The following IL1RAPL1 variants were observed in gnomAD, a reference collection of about 807,000 sequenced individuals.
IL1RAPL1 encodes the protein interleukin 1 receptor accessory protein like 1, also known as interleukin-1 receptor accessory protein-like 1.
In IL1RAPL1, 3 loss-of-function variants were observed where a neutral mutation model predicts 48.4. The observed-to-expected ratio is 0.06, with a 90% CI of 0.03 to 0.16. The LOEUF is 0.16. Among genes scored for constraint, IL1RAPL1 ranks in the 10% least tolerant of loss-of-function variants. The pLI, the probability that IL1RAPL1 is intolerant of heterozygous loss-of-function variation, is 1.00. For missense variants in IL1RAPL1, 349 were observed against 530.6 expected (o/e 0.66, Z 3.36); for synonymous variants, 185 against 187.7 (o/e 0.99, Z 0.12).
chrX:28,656,954 G>A (rs778289752), intron 1 of IL1RAPL1, among the ~76,000 whole-genome samples: 7 of 106,440 alleles, frequency 6.6e-5, no homozygotes, highest in African/African-American at 2.4e-4. Context: ...TGAACCCCGG[G>A]AGGCGGAGCT....
chrX:29,578,186 G>A (rs1922838945), intron 5 of IL1RAPL1, among the ~76,000 whole-genome samples: 2 of 112,055 alleles, frequency 1.8e-5, no homozygotes, highest in African/African-American at 3.2e-5. Context: ...AGCAAAGACA[G>A]TGGCTACTGA....
intron 2 of IL1RAPL1, among the ~76,000 whole-genome samples, chrX:29,060,612 C>T (rs1410691485): frequency 1.8e-5 from 2 of 111,227 alleles, no homozygotes; most frequent in African/African-American, 6.5e-5. Context: ...ATTATTCTAG[C>T]GAGCTGTAGT....
intron 2 of IL1RAPL1, among the ~76,000 whole-genome samples, chrX:29,036,792 T>C (rs1926741433): frequency 9.0e-6 from 1 of 111,343 alleles, no homozygotes; most frequent in African/African-American, 3.3e-5. Flanking sequence ...ATTTTTAAAA[T>C]GTGTGCAGGA....
At chrX:29,482,126 A>C (rs1244095877) in intron 5 of IL1RAPL1, among the ~76,000 whole-genome samples, 4 of 112,116 alleles carry the variant, frequency 3.6e-5, no homozygotes, top group African/African-American at 1.3e-4. Flanking sequence ...AAAACCATCC[A>C]TGTTCCTTCT....
intron 2 of IL1RAPL1, among the ~76,000 whole-genome samples, chrX:28,959,369 A>G (rs991054840): frequency 2.0e-4 from 22 of 111,316 alleles, no homozygotes; most frequent in Non-Finnish European, 3.0e-4. Flanking sequence ...ATAAATGGAA[A>G]TTCATTGGAA....
At position 29,955,632 on chromosome X, in the gene IL1RAPL1, A is replaced by G; in HGVS notation, c.1903A>G (p.Thr635Ala). ...YRSYEYDVPP[T>A]GTLPLTSIGN... ...AAGCTATGAGTACGACGTACCTCCT[A>G]CCGGCACCCTGCCTCTTACCTCCAT... is the stretch of plus-strand genomic sequence containing the variant. The change falls in exon 11 of 11, where the codon ACC (threonine) becomes GCC (alanine). Residue 635 changes from threonine to alanine, a missense_variant. This residue lies in a region of IL1RAPL1 where 65 missense variants were observed against 79.6 expected (regional missense o/e 0.82). Transcript: ENST00000378993. 2 of 1,210,395 alleles carry G rather than the reference A, an allele frequency of 1.7e-6. No homozygotes were observed. The highest frequency in any genetic ancestry group is 1.8e-5 in the South Asian group (1 of 56,834).
chrX:28,876,833 T>C (rs1922387687), intron 2 of IL1RAPL1, among the ~76,000 whole-genome samples: 1 of 111,924 alleles, frequency 8.9e-6, no homozygotes, highest in South Asian at 3.7e-4. Context: ...TTAATTATTC[T>C]CTCTGTCCTT....
At chrX:28,714,713 TA>T (rs1198857199) in intron 1 of IL1RAPL1, among the ~76,000 whole-genome samples, 1 of 112,011 alleles carries the variant, frequency 8.9e-6, no homozygotes, top group African/African-American at 3.2e-5. Context: ...TGATCAAATC[TA>T]CTGAAAATCA....
At chrX:29,618,137 TATA>T (rs954045906) in intron 5 of IL1RAPL1, among the ~76,000 whole-genome samples, 1 of 111,563 alleles carries the variant, frequency 9.0e-6, no homozygotes, top group African/African-American at 3.3e-5. Flanking sequence ...TTATCTAAAA[TATA>T]ATAATAAGAA....
intron 5 of IL1RAPL1, among the ~76,000 whole-genome samples, chrX:29,579,165 A>G (rs1922876809): frequency 8.9e-6 from 1 of 112,133 alleles, no homozygotes; most frequent in Non-Finnish European, 1.9e-5. Flanking sequence ...TACTTCTCCC[A>G]ATTTCTTTTG....
intron 2 of IL1RAPL1, among the ~76,000 whole-genome samples, chrX:28,963,400 A>G (rs1166512128): frequency 9.0e-6 from 1 of 111,337 alleles, no homozygotes; most frequent in East Asian, 2.8e-4. Flanking sequence ...CCCCCAATAT[A>G]TCTATATCAA....
At chrX:28,679,013 A>G (rs1466035152) in intron 1 of IL1RAPL1, among the ~76,000 whole-genome samples, 1 of 111,799 alleles carries the variant, frequency 8.9e-6, no homozygotes, top group Non-Finnish European at 1.9e-5. Context: ...GAATCTCCAT[A>G]CTGTTTTCCA....
At chrX:28,964,243 G>A (rs1924862980) in intron 2 of IL1RAPL1, among the ~76,000 whole-genome samples, 1 of 111,429 alleles carries the variant, frequency 9.0e-6, no homozygotes, top group Non-Finnish European at 1.9e-5. Flanking sequence ...ACACATTTGA[G>A]ACTTGCCTAT....
rs1453582748 is a variant in IL1RAPL1, at chrX:29,856,624, G to T, written c.779-60840G>T. 3.6e-5 allele frequency among the ~76,000 whole-genome samples: 4 copies of T among 111,588 alleles called. No individual in the cohort carries two copies. The Admixed American group carries it at 3.8e-4, about 11-fold the overall frequency. ...TCAGAGCTTTTAGAAATTCAGAATT[G>T]CAAATAAGGATTTGTGGATCTGTAG... On this transcript the variant is annotated intron_variant, in intron 6 of 10. Transcript: ENST00000378993.
chrX:29,198,282 GT>G (rs745896544), intron 2 of IL1RAPL1, among the ~76,000 whole-genome samples: 9 of 106,200 alleles, frequency 8.5e-5, no homozygotes, highest in South Asian at 4.1e-4. Context: ...AAGATTTTAG[GT>G]TTTTTTTTTC....
chrX:29,566,215 A>C (rs1331074681), intron 5 of IL1RAPL1, among the ~76,000 whole-genome samples: 4 of 112,136 alleles, frequency 3.6e-5, no homozygotes, highest in African/African-American at 1.3e-4. Flanking sequence ...CTGGGATTAC[A>C]GGTGCGAGCC....
chrX:29,139,691 A>C (rs1471012434), intron 2 of IL1RAPL1, among the ~76,000 whole-genome samples: 1 of 111,552 alleles, frequency 9.0e-6, no homozygotes, highest in Non-Finnish European at 1.9e-5. Flanking sequence ...CAGAATAAAT[A>C]AATAACTTCT....
At chrX:29,375,159 ATTTTT>A (rs764787587) in intron 3 of IL1RAPL1, among the ~76,000 whole-genome samples, 5 of 76,003 alleles carry the variant, frequency 6.6e-5, no homozygotes, top group Non-Finnish European at 2.4e-5. Flanking sequence ...ATTGGGAGCA[ATTTTT>A]TTTTTTTTTT....
intron 2 of IL1RAPL1, among the ~76,000 whole-genome samples, chrX:29,000,247 A>G (rs1449249062): frequency 1.8e-5 from 2 of 111,895 alleles, no homozygotes; most frequent in Admixed American, 9.5e-5. Flanking sequence ...TTTGACTAGA[A>G]AAAGGATTAG....
Sources: gnomAD v4.1 joint callset for allele counts (sites outside exome capture counted in the v4.1 genomes callset) on GRCh38, gnomAD v4.1.1 for gene constraint, gnomAD v4.1.1 regional missense constraint, MANE v1.5 for transcripts, NCBI Gene and HGNC (gene_info 2026-07-23, HGNC 2026-07-21) for gene names.